ITGAV: variants seen among roughly 807,000 people sequenced by gnomAD.
ITGAV encodes the protein integrin subunit alpha V.
ITGAV carries 76 observed loss-of-function variants against 143.8 expected under a neutral mutation model. That is an observed-to-expected ratio of 0.53 (90% confidence interval 0.44 to 0.64). The LOEUF is 0.64. Among genes scored for constraint, ITGAV ranks in the 30% least tolerant of loss-of-function variants. The pLI, the probability that ITGAV is intolerant of heterozygous loss-of-function variation, is 0.00. For synonymous variants in ITGAV, 453 were observed against 446.7 expected, an observed-to-expected ratio of 1.01 and a Z score of -0.18; for missense variants, 1,193 against 1,274.7, an observed-to-expected ratio of 0.94 and a Z score of 0.98.
chr2:186,642,155 T>C (rs1688122015), intron 12 of ITGAV, among the ~76,000 whole-genome samples: 1 of 152,228 alleles, frequency 6.6e-6, no homozygotes, highest in Non-Finnish European at 1.5e-5. Context: ...GTTGTCGATA[T>C]CTTTAAAAAG....
intron 5 of ITGAV, 55 bp downstream of exon 5, chr2:186,630,913 G>T: frequency 1.0e-6 from 1 of 962,942 alleles, no homozygotes; most frequent in Non-Finnish European, 1.6e-6. Context: ...TGACTAGACT[G>T]TGGTTAAAAA....
chr2:186,642,619 C>G (rs1212252921), intron 12 of ITGAV, among the ~76,000 whole-genome samples: 1 of 149,848 alleles, frequency 6.7e-6, no homozygotes, highest in Non-Finnish European at 1.5e-5. Flanking sequence ...ACTGCAGCCT[C>G]AACCTCCCAG....
chr2:186,640,074 G>A (rs546063171), intron 10 of ITGAV, among the ~76,000 whole-genome samples: 2 of 152,276 alleles, frequency 1.3e-5, no homozygotes, highest in African/African-American at 2.4e-5. Flanking sequence ...AATTTGAGAA[G>A]CATTGCTAAC....
At chr2:186,671,102 C>T (rs952533581) in intron 26 of ITGAV, among the ~76,000 whole-genome samples, 7 of 152,134 alleles carry the variant, frequency 4.6e-5, no homozygotes, top group African/African-American at 1.7e-4. Flanking sequence ...AGGCTCCTTT[C>T]CCTTCTCGAT....
Position 186,641,503 on chromosome 2 carries a change from G to T in ITGAV, c.1074G>T (p.Thr358=). Residue 358 remains threonine, a synonymous_variant, in exon 12 of 30, where the codon ACG becomes ACT. Coordinates refer to ENST00000261023, the MANE Select transcript of ITGAV (RefSeq NM_002210.5). Reference sequence around the variant, plus strand: ...AGAGAGCTTCAGGAGACTTCCAGACGACAAAGCTGAATGGATTTGAGGTCT... The same window carrying T: ...AGAGAGCTTCAGGAGACTTCCAGACTACAAAGCTGAATGGATTTGAGGTCT... ...SLQRASGDFQ[T]TKLNGFEVFA... The T allele has an allele frequency of 1.2e-6, 2 of 1,614,164 alleles. No individual in the cohort carries two copies. The highest frequency in any genetic ancestry group is 1.7e-6 in the Non-Finnish European group (2 of 1,180,024).
chr2:186,606,552 A>G (rs926593234), intron 2 of ITGAV, among the ~76,000 whole-genome samples: 1 of 152,146 alleles, frequency 6.6e-6, no homozygotes, highest in Non-Finnish European at 1.5e-5. Flanking sequence ...GCCTTCTTAG[A>G]GACCCTCCCT....
intron 18 of ITGAV, 86 bp from the exon 19 acceptor site, chr2:186,663,682 G>A (rs1688810337): frequency 1.1e-6 from 1 of 914,196 alleles, no homozygotes; most frequent in Middle Eastern, 2.2e-4. Flanking sequence ...GTACATATAG[G>A]CTTAACCACA....
intron 13 of ITGAV, among the ~76,000 whole-genome samples, chr2:186,648,986 TTGTG>T (rs369581633): frequency 9.2e-3 from 86 of 9,376 alleles, no homozygotes; most frequent in South Asian, 0.033. Context: ...ATATATACAT[TTGTG>T]TGTATATATA....
intron 5 of ITGAV, 52 bp downstream of exon 5, chr2:186,630,910 A>G: frequency 1.0e-6 from 1 of 975,076 alleles, no homozygotes. Flanking sequence ...TATTGACTAG[A>G]CTGTGGTTAA....
intron 1 of ITGAV, 76 bp from the exon 2 acceptor site, chr2:186,601,945 T>C: frequency 1.4e-6 from 2 of 1,391,372 alleles, no homozygotes; most frequent in Non-Finnish European, 2.0e-6. Flanking sequence ...AAGAGAATGA[T>C]TGCTCCTCAT....
chr2:186,658,899 T>C, intron 17 of ITGAV, 139 bp from the exon 18 acceptor site: 2 of 550,844 alleles, frequency 3.6e-6, no homozygotes, highest in South Asian at 3.0e-5. Context: ...TATTTCTACA[T>C]AAGTATAATT....
At chr2:186,665,912 T>C (rs1042681373) in intron 21 of ITGAV, among the ~76,000 whole-genome samples, 5 of 152,232 alleles carry the variant, frequency 3.3e-5, no homozygotes, top group African/African-American at 4.8e-5. Flanking sequence ...TTTCTAGATG[T>C]ATGGTATCTT....
At chr2:186,625,648 A>C (rs1687652750) in intron 4 of ITGAV, 61 bp downstream of exon 4, 5 of 801,110 alleles carry the variant, frequency 6.2e-6, no homozygotes, top group African/African-American at 2.7e-5. Context: ...GTTTGTTAAA[A>C]ATATGTGTGT....
intron 1 of ITGAV, among the ~76,000 whole-genome samples, chr2:186,595,317 CATTGTT>C (rs1347436752): frequency 6.6e-6 from 1 of 152,162 alleles, no homozygotes; most frequent in Non-Finnish European, 1.5e-5. Context: ...ATGGACTTGT[CATTGTT>C]TGGCAGGTTG....
chr2:186,661,164 T>G (rs1330474900), intron 18 of ITGAV, among the ~76,000 whole-genome samples: 1 of 152,338 alleles, frequency 6.6e-6, no homozygotes, highest in African/African-American at 2.4e-5. Flanking sequence ...TGTTTTTTAC[T>G]GTCTTCAAAA....
At chr2:186,643,688 G>GT (rs747498315) in intron 12 of ITGAV, among the ~76,000 whole-genome samples, 1 of 152,036 alleles carries the variant, frequency 6.6e-6, no homozygotes, top group Admixed American at 6.6e-5. Flanking sequence ...ATTATGTGCA[G>GT]TTTTTTATCA....
intron 21 of ITGAV, among the ~76,000 whole-genome samples, 153 bp downstream of exon 21, chr2:186,665,371 T>C (rs970711458): frequency 2.6e-5 from 4 of 152,254 alleles, no homozygotes; most frequent in African/African-American, 9.6e-5. Context: ...AGAGTTTTGC[T>C]TAGTTTTAAC....
At chr2:186,661,900 T>C (rs957614573) in intron 18 of ITGAV, among the ~76,000 whole-genome samples, 1 of 152,056 alleles carries the variant, frequency 6.6e-6, no homozygotes, top group Admixed American at 6.6e-5. Context: ...CAGCCTCAAA[T>C]ACATACTAAT....
chr2:186,649,895 T>C lies in ITGAV; in HGVS notation c.1397+10T>C. ...GAGCTATCTTATACAGGTGAGCATT[T>C]TCTGTATCCTGCGGTATAGGAATAT... On this transcript the variant is annotated intron_variant, in intron 14 of 29. Transcript: ENST00000261023. The C allele has an allele frequency of 6.9e-7, 1 of 1,449,746 alleles. No individual in the cohort carries two copies. The highest frequency in any genetic ancestry group is 9.2e-7 in the Non-Finnish European group (1 of 1,086,478). 89.8% of individuals were successfully genotyped at this position (1,449,746 alleles called of 1,614,324 possible).
Sources: gnomAD v4.1 joint callset for allele counts (sites outside exome capture counted in the v4.1 genomes callset) on GRCh38, gnomAD v4.1.1 for gene constraint, MANE v1.5 for transcripts, NCBI Gene and HGNC (gene_info 2026-07-23, HGNC 2026-07-21) for gene names.